ATAD2B: variants seen among roughly 807,000 people sequenced by gnomAD.
ATAD2B encodes ATPase family AAA domain containing 2B.
Under a neutral mutation model 167.6 loss-of-function variants are expected in ATAD2B, and 40 were observed. The observed-to-expected ratio is 0.24, with a 90% CI of 0.19 to 0.31. The LOEUF (loss-of-function observed/expected upper bound fraction) is 0.31, where lower values mean the gene tolerates loss of function less well. ATAD2B is among the 10% of genes least tolerant of loss of function. ATAD2B has a pLI of 1.00. For synonymous variants in ATAD2B, 579 were observed against 596.5 expected, an observed-to-expected ratio of 0.97 and a Z score of 0.43; for missense variants, 1,242 against 1,757.2, an observed-to-expected ratio of 0.71 and a Z score of 5.24.
chr2:23,746,506 C>T (rs772510876), downstream of ATAD2B, among the ~76,000 whole-genome samples: 27 of 152,174 alleles, frequency 1.8e-4, no homozygotes, highest in Non-Finnish European at 1.9e-4. Context: ...CATCTTTATG[C>T]TCCCTCAATG....
At chr2:23,851,999 G>T (rs986784107) in intron 13 of ATAD2B, among the ~76,000 whole-genome samples, 4 of 151,698 alleles carry the variant, frequency 2.6e-5, no homozygotes, top group African/African-American at 9.7e-5. Flanking sequence ...AGGCATTAAG[G>T]AGATAACAGA....
chr2:23,848,257 C>A (rs952227633), intron 13 of ATAD2B, among the ~76,000 whole-genome samples: 3 of 152,142 alleles, frequency 2.0e-5, no homozygotes, highest in Non-Finnish European at 4.4e-5. Flanking sequence ...AATCCCCACA[C>A]TTTGGTAGGC....
chr2:23,856,188 CAAA>C (rs571662550), intron 13 of ATAD2B: 96 of 73,494 alleles, frequency 1.3e-3, no homozygotes, highest in South Asian at 8.1e-3. Context: ...GACTCCATCT[CAAA>C]AAAAAAAAAA....
At chr2:23,753,246 TAAGAA>T (rs1229308078) in intron 27 of ATAD2B, among the ~76,000 whole-genome samples, 2 of 152,106 alleles carry the variant, frequency 1.3e-5, no homozygotes, top group African/African-American at 2.4e-5. Flanking sequence ...TATTGCCAAA[TAAGAA>T]AAGAAAATTA....
chr2:23,863,174 T>C, intron 12 of ATAD2B, among the ~76,000 whole-genome samples: 1 of 152,146 alleles, frequency 6.6e-6, no homozygotes, highest in South Asian at 2.1e-4. Flanking sequence ...GGCGTGGTGA[T>C]GCACACCTGT....
At chr2:23,825,834 T>C (rs1688166281) in intron 15 of ATAD2B, among the ~76,000 whole-genome samples, 1 of 152,298 alleles carries the variant, frequency 6.6e-6, no homozygotes, top group Non-Finnish European at 1.5e-5. Flanking sequence ...GCATTTTAGG[T>C]AGTAAATGTT....
chr2:23,784,891 T>C (rs1462581516), intron 21 of ATAD2B, among the ~76,000 whole-genome samples: 1 of 152,090 alleles, frequency 6.6e-6, no homozygotes, highest in South Asian at 2.1e-4. Context: ...AATGTGGGCT[T>C]TGAATTTTAA....
At chr2:23,793,221 C>G (rs973984704) in intron 19 of ATAD2B, among the ~76,000 whole-genome samples, 1 of 152,106 alleles carries the variant, frequency 6.6e-6, no homozygotes, top group African/African-American at 2.4e-5. Context: ...TATATGTAAT[C>G]TTACTTTCAT....
At chr2:23,857,392 A>G (rs1334036007) in intron 13 of ATAD2B, 23 bp downstream of exon 13, 5 of 1,348,614 alleles carry the variant, frequency 3.7e-6, no homozygotes, top group Non-Finnish European at 5.0e-6. Flanking sequence ...AGAAATCAAG[A>G]TAATCAGATA....
At chr2:23,706,918 G>A in the ATAD2B span, 1 of 398,292 alleles carries the variant, frequency 2.5e-6, no homozygotes, top group Non-Finnish European at 4.5e-6. Flanking sequence ...GAACAGGGGC[G>A]CTCGCTCTGC....
At chr2:23,847,646 G>A (rs1334126837) in intron 13 of ATAD2B, among the ~76,000 whole-genome samples, 4 of 151,144 alleles carry the variant, frequency 2.6e-5, no homozygotes, top group Admixed American at 6.6e-5. Context: ...GGAATGAGAC[G>A]CTGTCTCAAA....
intron 26 of ATAD2B, 26 bp from the exon 27 acceptor site, chr2:23,754,333 A>C: frequency 6.5e-7 from 1 of 1,529,586 alleles, no homozygotes; most frequent in Non-Finnish European, 8.8e-7. Flanking sequence ...AAAGAATAAA[A>C]TGTAATTTGA....
intron 13 of ATAD2B, among the ~76,000 whole-genome samples, chr2:23,853,853 T>C (rs1166022264): frequency 1.3e-5 from 2 of 152,178 alleles, no homozygotes; most frequent in East Asian, 3.8e-4. Flanking sequence ...AATCTAGAAA[T>C]AGACACACAT....
the ATAD2B span, among the ~76,000 whole-genome samples, chr2:23,683,273 C>G: frequency 2.4e-3 from 359 of 152,346 alleles, 1 homozygote; most frequent in African/African-American, 8.4e-3. Flanking sequence ...CTCCCACACA[C>G]CTGCCAAGGG....
the ATAD2B span, among the ~76,000 whole-genome samples, chr2:23,731,867 C>T: frequency 1.9e-3 from 282 of 151,934 alleles, 3 homozygotes; most frequent in African/African-American, 5.3e-3. Flanking sequence ...GTCCTAGCTA[C>T]TCAGGAGGCT....
chr2:23,795,623 G>A (rs1327815468), intron 19 of ATAD2B, among the ~76,000 whole-genome samples: 1 of 152,130 alleles, frequency 6.6e-6, no homozygotes, highest in African/African-American at 2.4e-5. Flanking sequence ...GCTCACCCCT[G>A]TAATCCTAGC....
Position 23,872,495 on chromosome 2 carries a change from C to G in ATAD2B, c.978-2734G>C, listed in dbSNP as rs1696151366. 3.9e-6 allele frequency: 3 copies of G among 770,168 alleles called. No homozygotes were observed. The Admixed American group carries it at 5.3e-5, about 14-fold the overall frequency. 47.7% of individuals were successfully genotyped at this position (770,168 alleles called of 1,614,324 possible). On this transcript the variant is annotated intron_variant, in intron 8 of 27. Transcript: ENST00000238789. Reference sequence around the variant, plus strand: ...CATTTCCCCTCTTTTACCAGGTGAGCTATTTCTTCATTCCAAAACGGCAGA... The same window carrying G: ...CATTTCCCCTCTTTTACCAGGTGAGGTATTTCTTCATTCCAAAACGGCAGA...
intron 15 of ATAD2B, among the ~76,000 whole-genome samples, chr2:23,828,148 A>G (rs1688523242): frequency 6.6e-6 from 1 of 151,790 alleles, no homozygotes; most frequent in Non-Finnish European, 1.5e-5. Flanking sequence ...TGAAGGAGAA[A>G]TACCTATGTG....
the ATAD2B span, among the ~76,000 whole-genome samples, chr2:23,732,621 TG>T: frequency 1.3e-5 from 2 of 152,212 alleles, no homozygotes; most frequent in African/African-American, 4.8e-5. Flanking sequence ...AAATATTTGA[TG>T]GAAAAAATTG....
Sources: allele counts gnomAD v4.1 joint callset (sites outside exome capture counted in the v4.1 genomes callset), GRCh38; gene constraint gnomAD v4.1.1; transcripts MANE v1.5; gene names NCBI Gene and HGNC (gene_info 2026-07-23, HGNC 2026-07-21).